The following FKBP6 variants were observed in gnomAD, a reference collection of about 807,000 sequenced individuals.
The protein encoded by FKBP6 is inactive peptidyl-prolyl cis-trans isomerase FKBP6.
In FKBP6, 29 loss-of-function variants were observed where a neutral mutation model predicts 41.7. The ratio of observed to expected loss-of-function variants is 0.70; its 90% CI spans 0.52 to 0.95. The LOEUF (loss-of-function observed/expected upper bound fraction) is 0.95. FKBP6 is among the 40% of genes least tolerant of loss of function. FKBP6 has a pLI of 0.00. For synonymous variants in FKBP6, 130 were observed against 165.1 expected (o/e 0.79, Z 1.63); for missense variants, 338 against 408.7 (o/e 0.83, Z 1.49).
chr7:73,341,532 G>A lies in FKBP6; in HGVS notation c.893+150G>A, dbSNP rs533636687. On this transcript the variant is annotated intron_variant, in intron 7 of 8. Coordinates refer to ENST00000252037, the MANE Select transcript of FKBP6 (RefSeq NM_003602.5). ...CTACAGCTGGGTTTCTGAAGTGCTC[G>A]GCCGTGCGCTGCACCAGCAGTTCCC... is the stretch of plus-strand genomic sequence containing the variant. The A allele has an allele frequency of 6.9e-5, 47 of 677,172 alleles. 1 individual carries two copies. Among genetic ancestry groups the A allele is most frequent in the South Asian group, 6.6e-4 (42 of 63,548 alleles). 41.9% of individuals were successfully genotyped at this position (677,172 alleles called of 1,614,324 possible).
chr7:73,333,245 T>C (rs1184789198), intron 5 of FKBP6, among the ~76,000 whole-genome samples: 2 of 149,038 alleles, frequency 1.3e-5, no homozygotes, highest in African/African-American at 5.0e-5. Context: ...CACTCCAGCC[T>C]GGGCAACAGG....
At chr7:73,357,045 GTGC>G (rs1349445345) in intron 8 of FKBP6, among the ~76,000 whole-genome samples, 1 of 152,084 alleles carries the variant, frequency 6.6e-6, no homozygotes, top group Non-Finnish European at 1.5e-5. Flanking sequence ...GCCTCCCAAA[GTGC>G]TGGGATTACA....
At position 73,328,216 on chromosome 7, in the gene FKBP6, T is replaced by C; in HGVS notation, c.-213T>C. On this transcript the variant is annotated 5_prime_UTR_variant, in exon 1 of 9. Transcript: ENST00000252037. ...ATACCTCGCACCTCACCGCGTGGCC[T>C]CTGTAGTTCCAGAGCTCGCGAGGGC... is the stretch of plus-strand genomic sequence containing the variant. 2 of 1,548,948 alleles carry C rather than the reference T, an allele frequency of 1.3e-6. No individual in the cohort carries two copies. The highest frequency in any genetic ancestry group is 2.3e-4 in the Middle Eastern group (1 of 4,360).
intron 8 of FKBP6, among the ~76,000 whole-genome samples, chr7:73,349,894 T>G (rs1033499813): frequency 1.3e-5 from 2 of 152,118 alleles, no homozygotes; most frequent in Non-Finnish European, 2.9e-5. Context: ...AGTTGAAGGT[T>G]GCTTCGGCCC....
chr7:73,348,278 T>C (rs553840365), intron 8 of FKBP6, among the ~76,000 whole-genome samples: 21 of 152,214 alleles, frequency 1.4e-4, no homozygotes, highest in Non-Finnish European at 2.4e-4. Context: ...AGATTTGTCT[T>C]TTTCATAATG....
intron 6 of FKBP6, 37 bp downstream of exon 6, chr7:73,340,869 A>G (rs782783131): frequency 7.0e-7 from 1 of 1,435,432 alleles, no homozygotes; most frequent in Non-Finnish European, 9.8e-7. Flanking sequence ...ATAAACACCC[A>G]GGAAAAGGTA....
chr7:73,338,191 A>G (rs144308363), intron 5 of FKBP6, among the ~76,000 whole-genome samples: 1 of 151,830 alleles, frequency 6.6e-6, no homozygotes, highest in Non-Finnish European at 1.5e-5. Context: ...ACACCTGGCT[A>G]ATTTTTGTAT....
At chr7:73,329,697 T>G in intron 3 of FKBP6, 1 of 585,838 alleles carries the variant, frequency 1.7e-6, no homozygotes, top group East Asian at 2.9e-5. Flanking sequence ...TGTTCATTTA[T>G]TAAGTAAAAC....
chr7:73,341,788 A>G (rs1805199448), intron 7 of FKBP6, among the ~76,000 whole-genome samples: 1 of 150,310 alleles, frequency 6.7e-6, no homozygotes, highest in Non-Finnish European at 1.5e-5. Flanking sequence ...CTCAGCCTCC[A>G]AGGTAGCTGG....
intron 4 of FKBP6, among the ~76,000 whole-genome samples, chr7:73,331,290 C>T (rs774580010): frequency 3.9e-5 from 6 of 152,160 alleles, no homozygotes; most frequent in South Asian, 2.1e-4. Flanking sequence ...TGGCAAGTTC[C>T]GTCAGTTTTT....
chr7:73,336,770 G>C, intron 5 of FKBP6: 1 of 456,600 alleles, frequency 2.2e-6, no homozygotes, highest in Admixed American at 2.3e-5. Context: ...CACCGTGCTG[G>C]GTGTGCTGCG....
intron 2 of FKBP6, among the ~76,000 whole-genome samples, chr7:73,328,951 G>A (rs189818801): frequency 8.6e-5 from 13 of 151,978 alleles, no homozygotes; most frequent in Middle Eastern, 3.4e-3. Context: ...ATTTACAGGC[G>A]CGATCCACCA....
intron 8 of FKBP6, among the ~76,000 whole-genome samples, chr7:73,343,535 G>A (rs571625323): frequency 3.3e-5 from 5 of 152,152 alleles, no homozygotes; most frequent in East Asian, 1.9e-4. Context: ...AGACAAGATC[G>A]CAGGGTGGGG....
chr7:73,328,794 T>A lies in FKBP6; in HGVS notation c.175+102T>A, dbSNP rs1804727499. 13 of 1,601,236 alleles carry A rather than the reference T, an allele frequency of 8.1e-6. No individual in the cohort carries two copies. In the South Asian group the frequency reaches 1.4e-4, roughly 18 times the overall value. On this transcript the variant is annotated intron_variant, in intron 2 of 8. Coordinates refer to ENST00000252037, the MANE Select transcript of FKBP6 (RefSeq NM_003602.5). The stretch of plus-strand genomic sequence containing the variant: ...AAGCACTTAATGGGGTTGGAAATGC[T>A]TTGTTTGAAGTGGATTTTTGTTTTT...
intron 8 of FKBP6, among the ~76,000 whole-genome samples, chr7:73,345,879 C>T (rs1805319092): frequency 6.6e-6 from 1 of 152,134 alleles, no homozygotes; most frequent in Non-Finnish European, 1.5e-5. Flanking sequence ...TTCCACGGGG[C>T]TGTGGGGCAT....
At chr7:73,339,190 G>A (rs1256854544) in intron 5 of FKBP6, 1 of 152,194 alleles carries the variant, frequency 6.6e-6, no homozygotes, top group Non-Finnish European at 1.5e-5. Flanking sequence ...ATGTGCTGCC[G>A]AAGCCAGCGC....
rs781864014 is a variant in FKBP6, at chr7:73,342,927, G to A, written c.*2+28G>A. On this transcript the variant is annotated intron_variant, in intron 8 of 8. Transcript: ENST00000252037. ...AATCAAAGGGCCAGGGTGGCACACA[G>A]GCTTCCGGATGGAGAAGCGTGCTGC... 3 of 1,488,278 alleles carry A rather than the reference G, an allele frequency of 2.0e-6. No homozygotes were observed. In the South Asian group the frequency reaches 3.4e-5, roughly 17 times the overall value. The allele number at this position is 1,488,278 out of a possible 1,614,324, so 92.2% of individuals were successfully genotyped here. A position where few individuals can be genotyped will look rare whatever the true frequency, so the allele number is the denominator to read the frequency against.
At chr7:73,329,643 T>C (rs1804771135) in intron 3 of FKBP6, 194 bp downstream of exon 3, 1 of 623,796 alleles carries the variant, frequency 1.6e-6, no homozygotes, top group Admixed American at 2.8e-5. Context: ...GGGCAAGGTA[T>C]AATCTTTGCA....
At chr7:73,334,486 T>G (rs1362473108) in intron 5 of FKBP6, among the ~76,000 whole-genome samples, 1 of 151,572 alleles carries the variant, frequency 6.6e-6, no homozygotes, top group Admixed American at 6.6e-5. Flanking sequence ...GATGAATTTT[T>G]CATTTAAAAC....
Sources: allele counts gnomAD v4.1 joint callset (sites outside exome capture counted in the v4.1 genomes callset), GRCh38; gene constraint gnomAD v4.1.1; transcripts MANE v1.5; gene names NCBI Gene and HGNC (gene_info 2026-07-23, HGNC 2026-07-21).